The following ADGRL3 variants were observed in gnomAD, a reference collection of about 807,000 sequenced individuals.
The protein encoded by ADGRL3 is calcium-independent alpha-latrotoxin receptor 3.
ADGRL3 carries 62 observed loss-of-function variants against 153.5 expected under a neutral mutation model. The observed-to-expected ratio is 0.40, with a 90% CI of 0.33 to 0.50. The LOEUF is 0.50. Ranked by LOEUF, ADGRL3 falls within the 20% of genes least tolerant of loss-of-function variation. The pLI is 0.47. For synonymous variants in ADGRL3, 710 were observed against 672.5 expected (o/e 1.06, Z -0.86); for missense variants, 1,641 against 1,859.4 (o/e 0.88, Z 2.16).
intron 6 of ADGRL3, among the ~76,000 whole-genome samples, chr4:61,725,127 G>C (rs1245730391): frequency 1.3e-5 from 2 of 152,104 alleles, no homozygotes; most frequent in African/African-American, 4.8e-5. Context: ...TATGTGTTGA[G>C]CACTGTAGAT....
At chr4:61,270,230 C>T (rs553156333) in intron 1 of ADGRL3, among the ~76,000 whole-genome samples, 4 of 151,708 alleles carry the variant, frequency 2.6e-5, no homozygotes, top group South Asian at 2.1e-4. Context: ...ATAAGAGGTA[C>T]AGCTTTTAAG....
At chr4:61,398,492 TTCAGCC>T (rs2096893466) in intron 2 of ADGRL3, among the ~76,000 whole-genome samples, 1 of 151,760 alleles carries the variant, frequency 6.6e-6, no homozygotes, top group South Asian at 2.1e-4. Context: ...ATTTAAAATC[TTCAGCC>T]AGACCTGATT....
At chr4:61,322,252 C>T (rs561566014) in intron 1 of ADGRL3, among the ~76,000 whole-genome samples, 23 of 152,302 alleles carry the variant, frequency 1.5e-4, no homozygotes, top group South Asian at 8.3e-4. Context: ...CATCTCCCAA[C>T]GGGTCCCTGC....
At chr4:61,380,743 T>C (rs2096657724) in intron 1 of ADGRL3, among the ~76,000 whole-genome samples, 1 of 151,998 alleles carries the variant, frequency 6.6e-6, no homozygotes, top group Non-Finnish European at 1.5e-5. Context: ...TTTATTTTTA[T>C]CCAAAATAAA....
intron 4 of ADGRL3, among the ~76,000 whole-genome samples, chr4:61,564,266 T>C (rs1033453914): frequency 7.9e-5 from 12 of 152,136 alleles, no homozygotes; most frequent in African/African-American, 2.9e-4. Flanking sequence ...TGTTTGTTTT[T>C]GTTGGTTGGT....
At chr4:61,933,499 ATTTG>A (rs1343875825) in intron 13 of ADGRL3, among the ~76,000 whole-genome samples, 1 of 151,974 alleles carries the variant, frequency 6.6e-6, no homozygotes, top group Non-Finnish European at 1.5e-5. Context: ...GACTTTTTCG[ATTTG>A]TTTGTGTTGT....
chr4:62,024,249 A>G (rs1717016739), intron 21 of ADGRL3, among the ~76,000 whole-genome samples: 2 of 152,194 alleles, frequency 1.3e-5, no homozygotes, highest in South Asian at 2.1e-4. Flanking sequence ...GCAGCACACA[A>G]TCTATTATTT....
chr4:61,212,180 A>C (rs72633404), intron 1 of ADGRL3: 3,371 of 152,330 alleles, frequency 0.022, 53 homozygotes, highest in Middle Eastern at 0.058. Context: ...AACTGAAGAA[A>C]AAAAACTTAT....
intron 2 of ADGRL3, among the ~76,000 whole-genome samples, chr4:61,445,811 A>T (rs1043092426): frequency 1.3e-5 from 2 of 152,194 alleles, no homozygotes; most frequent in South Asian, 2.1e-4. Context: ...TAAAATTATG[A>T]TCCCATAAGA....
intron 2 of ADGRL3, among the ~76,000 whole-genome samples, chr4:61,487,116 C>G (rs2098203982): frequency 6.6e-6 from 1 of 152,188 alleles, no homozygotes; most frequent in Non-Finnish European, 1.5e-5. Flanking sequence ...CTGAAAGCTC[C>G]TCACATAAGC....
intron 5 of ADGRL3, among the ~76,000 whole-genome samples, chr4:61,640,199 A>C (rs2093603086): frequency 6.6e-6 from 1 of 151,630 alleles, no homozygotes; most frequent in Non-Finnish European, 1.5e-5. Context: ...ATATGGCAAG[A>C]GGAAATAATA....
At chr4:61,588,205 A>G (rs537719566) in intron 5 of ADGRL3, among the ~76,000 whole-genome samples, 10 of 151,862 alleles carry the variant, frequency 6.6e-5, no homozygotes, top group East Asian at 1.9e-4. Flanking sequence ...TTCCTTTAGT[A>G]TAAGCCTACA....
In ADGRL3 at chr4:61,619,915, G is replaced by A. The variant is rs1027587768; in HGVS notation, c.473+32475G>A. Reference sequence around the variant, plus strand: ...ATGTGCAGCTTCTCATTCTTGTAACGGCAAATAGTTAAAATTTCATCTGTG... The same window carrying A: ...ATGTGCAGCTTCTCATTCTTGTAACAGCAAATAGTTAAAATTTCATCTGTG... On this transcript the variant is annotated intron_variant, in intron 5 of 26. Coordinates refer to ENST00000683033, the MANE Select transcript of ADGRL3 (RefSeq NM_001387552.1). 9.9e-5 allele frequency among the ~76,000 whole-genome samples: 15 copies of A among 152,182 alleles called. No homozygotes were observed. In the South Asian group the frequency reaches 1.0e-3, roughly 11 times the overall value.
chr4:61,605,002 A>G (rs2099026510), intron 5 of ADGRL3, among the ~76,000 whole-genome samples: 2 of 149,900 alleles, frequency 1.3e-5, no homozygotes, highest in South Asian at 4.2e-4. Context: ...AGGCAGGAGA[A>G]TCACTTGAAC....
chr4:61,620,208 A>G (rs1185758988), intron 5 of ADGRL3, among the ~76,000 whole-genome samples: 1 of 152,120 alleles, frequency 6.6e-6, no homozygotes, highest in Non-Finnish European at 1.5e-5. Flanking sequence ...TGAAACCTTT[A>G]CTAAAATGAC....
At chr4:61,392,973 A>T (rs1314281180) in intron 2 of ADGRL3, among the ~76,000 whole-genome samples, 2 of 152,062 alleles carry the variant, frequency 1.3e-5, no homozygotes, top group Non-Finnish European at 2.9e-5. Flanking sequence ...CTATCTATCT[A>T]AGAGCCGCTG....
intron 1 of ADGRL3, among the ~76,000 whole-genome samples, chr4:61,282,690 T>A (rs751578833): frequency 2.0e-5 from 3 of 152,008 alleles, no homozygotes; most frequent in Non-Finnish European, 4.4e-5. Flanking sequence ...CAAATCTTTT[T>A]ATCTTGTTTT....
At chr4:61,314,089 T>C (rs1284710817) in intron 1 of ADGRL3, among the ~76,000 whole-genome samples, 1 of 152,164 alleles carries the variant, frequency 6.6e-6, no homozygotes, top group Non-Finnish European at 1.5e-5. Flanking sequence ...AACATTTTAA[T>C]GGAATAACAT....
At position 61,690,180 on chromosome 4, in the gene ADGRL3, C is replaced by T. The variant is rs148965040; in HGVS notation, c.583+13245C>T. Among the ~76,000 whole-genome samples the T allele has an allele frequency of 2.1e-3, 315 of 152,232 alleles. 5 individuals are homozygous for T. Among genetic ancestry groups the T allele is most frequent in the African/African-American group, 7.2e-3 (300 of 41,556 alleles). ...CTGAAGTTGGCCAGACAAAGTGGCT[C>T]ACACCTATAATACCAGCACTTTGGA... On this transcript the variant is annotated intron_variant, in intron 6 of 26. Transcript: ENST00000683033.
Sources: gnomAD v4.1 joint callset for allele counts (sites outside exome capture counted in the v4.1 genomes callset) on GRCh38, gnomAD v4.1.1 for gene constraint, MANE v1.5 for transcripts, NCBI Gene and HGNC (gene_info 2026-07-23, HGNC 2026-07-21) for gene names.